RPS6KC1: variants seen among roughly 807,000 people sequenced by gnomAD.
RPS6KC1 encodes the protein inactive ribosomal protein S6 kinase delta-1.
Under a neutral mutation model 103.8 loss-of-function variants are expected in RPS6KC1, and 54 were observed. That is an observed-to-expected ratio of 0.52 (90% CI 0.42 to 0.65). RPS6KC1 has a LOEUF of 0.65. Among genes scored for constraint, RPS6KC1 ranks in the 30% least tolerant of loss-of-function variants. The pLI is 0.00. For synonymous variants in RPS6KC1, 439 were observed against 438.7 expected (o/e 1.00, Z -0.01); for missense variants, 1,151 against 1,253.8 (o/e 0.92, Z 1.24).
chr1:213,692,161 G>C, the RPS6KC1 span, among the ~76,000 whole-genome samples: 1 of 152,172 alleles, frequency 6.6e-6, no homozygotes, highest in Non-Finnish European at 1.5e-5. Flanking sequence ...CCAGCACTTT[G>C]GGAGGCCAAG....
At chr1:213,228,012 G>T (rs2093999310) in intron 8 of RPS6KC1, among the ~76,000 whole-genome samples, 1 of 152,036 alleles carries the variant, frequency 6.6e-6, no homozygotes, top group South Asian at 2.1e-4. Context: ...ACATCTTTGG[G>T]GCCCATTATC....
the RPS6KC1 span, among the ~76,000 whole-genome samples, chr1:213,671,748 C>T: frequency 2.0e-5 from 3 of 152,118 alleles, no homozygotes; most frequent in Non-Finnish European, 4.4e-5. Flanking sequence ...CGTGCCACTG[C>T]ACTCTAGCCT....
chr1:213,281,421 T>G, the RPS6KC1 span, among the ~76,000 whole-genome samples: 1 of 152,196 alleles, frequency 6.6e-6, no homozygotes, highest in Non-Finnish European at 1.5e-5. Context: ...CCACCTAATG[T>G]GATTAGGGCA....
At chr1:213,646,898 T>TATATATA in the RPS6KC1 span, among the ~76,000 whole-genome samples, 1 of 143,488 alleles carries the variant, frequency 7.0e-6, no homozygotes, top group Admixed American at 6.8e-5. Context: ...TATATATATA[T>TATATATA]TTTTGTTTGT....
chr1:213,060,502 A>T (rs2077735944), intron 1 of RPS6KC1, among the ~76,000 whole-genome samples: 1 of 152,220 alleles, frequency 6.6e-6, no homozygotes, highest in Non-Finnish European at 1.5e-5. Context: ...GTTTTATTCT[A>T]CTGTTCCTTT....
chr1:213,204,062 G>T (rs1025442809), intron 8 of RPS6KC1, among the ~76,000 whole-genome samples: 1 of 152,118 alleles, frequency 6.6e-6, no homozygotes, highest in African/African-American at 2.4e-5. Context: ...CTTTGTTCCA[G>T]TTGCACCTGT....
the RPS6KC1 span, among the ~76,000 whole-genome samples, chr1:213,662,697 A>G: frequency 6.6e-6 from 1 of 152,064 alleles, no homozygotes; most frequent in African/African-American, 2.4e-5. Flanking sequence ...TTCATTTCCC[A>G]TCTCATCAGC....
downstream of RPS6KC1, among the ~76,000 whole-genome samples, chr1:213,274,977 A>T (rs1289262432): frequency 6.6e-6 from 1 of 152,188 alleles, no homozygotes; most frequent in Admixed American, 6.5e-5. Flanking sequence ...TCCACACTCC[A>T]GCTCCTAGCA....
chr1:213,657,210 C>T, the RPS6KC1 span, among the ~76,000 whole-genome samples: 3 of 151,790 alleles, frequency 2.0e-5, no homozygotes, highest in Non-Finnish European at 4.4e-5. Flanking sequence ...CATTAAGCAT[C>T]GAGTACAGAG....
intron 12 of RPS6KC1, among the ~76,000 whole-genome samples, chr1:213,244,290 A>G (rs2094417361): frequency 6.6e-6 from 1 of 152,048 alleles, no homozygotes; most frequent in East Asian, 1.9e-4. Context: ...TGTTAATTAT[A>G]ATGAATTTGG....
At chr1:213,194,718 G>A (rs1047934085) in intron 8 of RPS6KC1, among the ~76,000 whole-genome samples, 6 of 152,216 alleles carry the variant, frequency 3.9e-5, no homozygotes, top group African/African-American at 4.8e-5. Flanking sequence ...AGGGTTCTAG[G>A]TTGCGTGCTG....
intron 8 of RPS6KC1, among the ~76,000 whole-genome samples, chr1:213,227,582 A>G (rs1417440635): frequency 1.3e-5 from 2 of 152,146 alleles, no homozygotes; most frequent in African/African-American, 4.8e-5. Context: ...TGTTGGCTGA[A>G]TTCTGTTCTT....
intron 7 of RPS6KC1, 36 bp downstream of exon 7, chr1:213,168,009 G>T: frequency 7.2e-7 from 1 of 1,394,248 alleles, no homozygotes; most frequent in South Asian, 1.2e-5. Context: ...TTTCTTCAGT[G>T]ATTTTTTGCT....
At chr1:213,212,432 G>A (rs534080888) in intron 8 of RPS6KC1, among the ~76,000 whole-genome samples, 85 of 152,134 alleles carry the variant, frequency 5.6e-4, no homozygotes, top group Middle Eastern at 3.4e-3. Context: ...TATTTTTAAT[G>A]CTCAATGGTA....
At chr1:213,233,062 C>T (rs2094141490) in intron 10 of RPS6KC1, among the ~76,000 whole-genome samples, 1 of 151,974 alleles carries the variant, frequency 6.6e-6, no homozygotes, top group South Asian at 2.1e-4. Flanking sequence ...ATAGGCATAA[C>T]ATTTGTATTT....
intron 8 of RPS6KC1, among the ~76,000 whole-genome samples, chr1:213,230,169 C>T (rs937131447): frequency 3.9e-5 from 6 of 152,056 alleles, no homozygotes; most frequent in Middle Eastern, 3.2e-3. Context: ...TGAACCACTT[C>T]CTGTTGATCA....
chr1:213,623,830 A>C, the RPS6KC1 span, among the ~76,000 whole-genome samples: 19 of 152,178 alleles, frequency 1.2e-4, no homozygotes, highest in African/African-American at 4.6e-4. Context: ...ACATCCGCTG[A>C]GGTCTGTGGA....
chr1:213,800,904 G>C, the RPS6KC1 span, among the ~76,000 whole-genome samples: 1 of 152,086 alleles, frequency 6.6e-6, no homozygotes, highest in African/African-American at 2.4e-5. Context: ...CAGTGATATT[G>C]GACCTCAGTT....
In RPS6KC1 at chr1:213,230,509, A is replaced by G; in HGVS notation, c.1057A>G (p.Met353Val). The G allele has an allele frequency of 1.2e-6, 2 of 1,605,254 alleles. No homozygotes were observed. Among genetic ancestry groups the G allele is most frequent in the Non-Finnish European group, 1.7e-6 (2 of 1,174,804 alleles). ...GTCTTTTATGTAGGTTTTACTTGTA[A>G]TGGACACAAGGACAGAACAGACTTT... is the stretch of plus-strand genomic sequence containing the variant. Reference protein sequence around the residue: ...LGVIDKVLLVMDTRTEQTFIL... With the variant: ...LGVIDKVLLVVDTRTEQTFIL... The change falls in exon 9 of 15, where the codon ATG becomes GTG. Residue 353 changes from methionine (M) to valine (V), a missense_variant. Around this residue, in one of 3 missense-constraint regions of RPS6KC1, gnomAD observed 959 missense variants for 1,006.3 expected, o/e 0.95. Coordinates refer to ENST00000366960, the MANE Select transcript of RPS6KC1 (RefSeq NM_012424.6).
Sources: allele counts gnomAD v4.1 joint callset (sites outside exome capture counted in the v4.1 genomes callset), GRCh38; gene constraint gnomAD v4.1.1; regional missense constraint gnomAD v4.1.1; transcripts MANE v1.5; gene names NCBI Gene and HGNC (gene_info 2026-07-23, HGNC 2026-07-21).